The following MOCS1 variants were observed in gnomAD, a reference collection of about 807,000 sequenced individuals.
MOCS1 encodes the protein molybdenum cofactor synthesis 1.
In MOCS1, 39 loss-of-function variants were observed where a neutral mutation model predicts 57.6. That is an observed-to-expected ratio of 0.68 (90% CI 0.52 to 0.88). The LOEUF (loss-of-function observed/expected upper bound fraction) is 0.88, where lower values mean the gene tolerates loss of function less well. MOCS1 is among the 40% of genes least tolerant of loss of function. MOCS1 has a pLI of 0.00. For missense variants in MOCS1, 795 were observed against 831.1 expected (o/e 0.96, Z 0.53); for synonymous variants, 334 against 335.7 (o/e 1.00, Z 0.05).
In MOCS1 at chr6:39,916,010, C is replaced by A. The variant is rs1423128622; in HGVS notation, c.583+58G>T. The A allele has an allele frequency of 3.9e-6, 6 of 1,549,908 alleles. No individual in the cohort carries two copies. In the African/African-American group the frequency reaches 5.5e-5, roughly 14 times the overall value. ...GCCCCTGGCTCAGCAATGGCCATGC[C>A]CTCCCCAGCTATGTGCAGGCCCTGG... On this transcript the variant is annotated intron_variant, in intron 4 of 10. Transcript: ENST00000340692.
Position 39,904,661 on chromosome 6 carries a change from T to A in MOCS1, c.*1696A>T, listed in dbSNP as rs774582439. On this transcript the variant is annotated 3_prime_UTR_variant, in exon 11 of 11. Coordinates refer to ENST00000340692, the MANE Select transcript of MOCS1 (RefSeq NM_001358530.2). Reference sequence around the variant, plus strand: ...CTGTTCCAGCCTCTCCCTACTCCCATCCCATTTCCACCAACTGGGGAACTG... The same window carrying A: ...CTGTTCCAGCCTCTCCCTACTCCCAACCCATTTCCACCAACTGGGGAACTG... The A allele has an allele frequency of 1.1e-4, 51 of 453,890 alleles. 1 individual carries two copies. The highest frequency in any genetic ancestry group is 7.9e-4 in the South Asian group (51 of 64,482). The allele number at this position is 453,890 out of a possible 1,614,324, so 28.1% of individuals were successfully genotyped here.
chr6:39,905,358 G>A lies in MOCS1; in HGVS notation c.*999C>T, dbSNP rs1214381960. ...CTCCACTTTATTTTCCCATAGCGGG[G>A]CTATACAGAGAGTACACCCTTAGGC... On this transcript the variant is annotated 3_prime_UTR_variant, in exon 11 of 11. Transcript: ENST00000340692. 5 of 460,496 alleles carry A rather than the reference G, an allele frequency of 1.1e-5. No individual in the cohort carries two copies. The highest frequency in any genetic ancestry group is 2.2e-5 in the Non-Finnish European group (5 of 226,988). The allele number at this position is 460,496 out of a possible 1,614,324, so 28.5% of individuals were successfully genotyped here. A position where few individuals can be genotyped will look rare whatever the true frequency, so the allele number is the denominator to read the frequency against.
chr6:39,906,912 A>C lies in MOCS1; in HGVS notation c.1356T>G (p.Arg452=). Residue 452 remains arginine (R), a synonymous_variant, in exon 11 of 11, where the codon CGT becomes CGG. Coordinates refer to ENST00000340692, the MANE Select transcript of MOCS1 (RefSeq NM_001358530.2). Reference sequence around the variant, plus strand: ...ACTTTGAGTTGGCATCTGAGTCTGCACGGGAAGTGTAGTGTCTCTGAAAGG... The same window carrying C: ...ACTTTGAGTTGGCATCTGAGTCTGCCCGGGAAGTGTAGTGTCTCTGAAAGG... ...SGSFQRHYTS[R]ADSDANSKCL... 6.2e-7 allele frequency: 1 copy of C among 1,614,158 alleles called. No individual in the cohort carries two copies. Among genetic ancestry groups the C allele is most frequent in the Non-Finnish European group, 8.5e-7 (1 of 1,180,030 alleles).
rs1384432227 is a variant in MOCS1 at position 39,913,378 on chromosome 6, A to G, written c.696T>C (p.Phe232=). 1 of 1,614,232 alleles carries G rather than the reference A, an allele frequency of 6.2e-7. No homozygotes were observed. Among genetic ancestry groups the G allele is most frequent in the South Asian group, 1.1e-5 (1 of 91,082 alleles). Residue 232 remains phenylalanine (F), a synonymous_variant, in exon 6 of 11, where the codon TTT becomes TTC. Coordinates refer to ENST00000340692, the MANE Select transcript of MOCS1 (RefSeq NM_001358530.2). ...RGLNEDELLD[F]AALTEGLPLD... ...GGGGGAGGCCCTCAGTCAAGGCCGC[A>G]AAGTCCAGGAGTTCATCCTCGTTAA...
chr6:39,908,972 TG>T (rs962767669), intron 10 of MOCS1, 82 bp downstream of exon 10: 8 of 1,115,990 alleles, frequency 7.2e-6, no homozygotes, highest in African/African-American at 4.6e-5. Flanking sequence ...ATGCAGGAGC[TG>T]GGGGTGCCTA....
At position 39,904,836 on chromosome 6, in the gene MOCS1, C is replaced by G. The variant is rs996904994; in HGVS notation, c.*1521G>C. The G allele has an allele frequency of 9.3e-5, 42 of 453,932 alleles. No homozygotes were observed. In the Admixed American group the frequency reaches 9.9e-4, roughly 11 times the overall value. The allele number at this position is 453,932 out of a possible 1,614,324, so 28.1% of individuals were successfully genotyped here. On this transcript the variant is annotated 3_prime_UTR_variant, in exon 11 of 11. Transcript: ENST00000340692. ...TTTTTTATAAGAATATATTGTAATA[C>G]TAAAAAATATTAAATTCATACCATC...
chr6:39,904,795 C>A lies in MOCS1; in HGVS notation c.*1562G>T. On this transcript the variant is annotated 3_prime_UTR_variant, in exon 11 of 11. Transcript: ENST00000340692. ...GCTAATGGACATAATCTACAGTGTC[C>A]TTTTTCACTTGCACCTTTTTTATAA... 4.4e-6 allele frequency: 2 copies of A among 454,090 alleles called. No homozygotes were observed. The highest frequency in any genetic ancestry group is 3.1e-5 in the South Asian group (2 of 64,468). The allele number at this position is 454,090 out of a possible 1,614,324, so 28.1% of individuals were successfully genotyped here.
intron 8 of MOCS1, among the ~76,000 whole-genome samples, chr6:39,911,087 C>G (rs921390164): frequency 2.0e-5 from 3 of 152,196 alleles, no homozygotes; most frequent in Non-Finnish European, 4.4e-5. Context: ...CCTCAATATC[C>G]TTTATTGGTT....
At chr6:39,911,539 C>A (rs1210169079) in intron 8 of MOCS1, among the ~76,000 whole-genome samples, 2 of 152,212 alleles carry the variant, frequency 1.3e-5, no homozygotes, top group Non-Finnish European at 2.9e-5. Context: ...TGTTCAGGAA[C>A]CTTACGCAGC....
rs148758749 is a variant in MOCS1 at position 39,925,775 on chromosome 6, G to T, written c.321C>A (p.Ile107=). The T allele has an allele frequency of 6.2e-7, 1 of 1,612,848 alleles. No individual in the cohort carries two copies. The highest frequency in any genetic ancestry group is 1.7e-5 in the Admixed American group (1 of 60,032). The change falls in exon 3 of 11, where the codon ATC becomes ATA. Residue 107 remains isoleucine (I), a synonymous_variant. Transcript: ENST00000340692. ...TCACAAAGAGCCGGGCGAGGGTCAG[G>T]ATCTCCTCTGTGGTCAGCAGGTTGG... ...PKANLLTTEE[I]LTLARLFVKE...
chr6:39,924,877 G>A (rs1368503743), intron 3 of MOCS1, among the ~76,000 whole-genome samples: 2 of 151,930 alleles, frequency 1.3e-5, no homozygotes, highest in Non-Finnish European at 2.9e-5. Flanking sequence ...TCAGGGTTTC[G>A]AGACCAGCTT....
chr6:39,914,295 G>C (rs1370367621), intron 4 of MOCS1, among the ~76,000 whole-genome samples: 1 of 152,222 alleles, frequency 6.6e-6, no homozygotes, highest in Non-Finnish European at 1.5e-5. Flanking sequence ...GAACCCTCTT[G>C]TAGTCTACGG....
intron 3 of MOCS1, among the ~76,000 whole-genome samples, chr6:39,920,935 C>T (rs9380911): frequency 0.11 from 16,590 of 150,870 alleles, 1,752 homozygotes; most frequent in African/African-American, 0.27. Flanking sequence ...GCTGTCGTGC[C>T]ACTGCACTCC....
In MOCS1 at chr6:39,906,925, T is replaced by C. The variant is rs939926246; in HGVS notation, c.1343A>G (p.His448Arg). 6.2e-7 allele frequency: 1 copy of C among 1,614,100 alleles called. No homozygotes were observed. The highest frequency in any genetic ancestry group is 1.3e-5 in the African/African-American group (1 of 75,024). The change falls in exon 11 of 11, where the codon CAC becomes CGC. Residue 448 changes from histidine to arginine, a missense_variant. His to Arg is a conservative substitution (Grantham distance 29, BLOSUM62 0). This residue lies in a region of MOCS1 where 374 missense variants were observed against 422.6 expected (regional missense o/e 0.89). Transcript: ENST00000340692. ...QRLGSGSFQRHYTSRADSDAN... is the reference protein window; with the variant it reads ...QRLGSGSFQRRYTSRADSDAN... ...ATCTGAGTCTGCACGGGAAGTGTAG[T>C]GTCTCTGAAAGGAGCCAGACCCCAG...
chr6:39,926,178 G>A (rs1562100532), intron 2 of MOCS1, among the ~76,000 whole-genome samples: 3 of 152,182 alleles, frequency 2.0e-5, no homozygotes, highest in Admixed American at 1.3e-4. Context: ...AGGGCACCTG[G>A]GCAGGGGCGT....
At position 39,905,553 on chromosome 6, in the gene MOCS1, C is replaced by T. The variant is rs571882519; in HGVS notation, c.*804G>A. 4.9e-5 allele frequency: 23 copies of T among 471,074 alleles called. No homozygotes were observed. Among genetic ancestry groups the T allele is most frequent in the Non-Finnish European group, 8.4e-5 (19 of 227,050 alleles). 29.2% of individuals were successfully genotyped at this position (471,074 alleles called of 1,614,324 possible). On this transcript the variant is annotated 3_prime_UTR_variant, in exon 11 of 11. Coordinates refer to ENST00000340692, the MANE Select transcript of MOCS1 (RefSeq NM_001358530.2). ...AGTTGGCATCGTAGCTTTATTTGTG[C>T]GCTGTGAGGGTGAAGGCAATCTATC...
chr6:39,913,384 C>T lies in MOCS1; in HGVS notation c.690G>A (p.Leu230=), dbSNP rs775883522. The T allele has an allele frequency of 7.4e-6, 12 of 1,614,200 alleles. No individual in the cohort carries two copies. Among genetic ancestry groups the T allele is most frequent in the Non-Finnish European group, 7.6e-6 (9 of 1,180,034 alleles). The stretch of plus-strand genomic sequence containing the variant: ...GGCCCTCAGTCAAGGCCGCAAAGTC[C>T]AGGAGTTCATCCTCGTTAAGGCCTC... The part of the protein sequence containing the change: ...VMRGLNEDEL[L]DFAALTEGLP... Residue 230 remains leucine, a synonymous_variant, in exon 6 of 11, where the codon CTG becomes CTA. Coordinates refer to ENST00000340692, the MANE Select transcript of MOCS1 (RefSeq NM_001358530.2).
Position 39,912,320 on chromosome 6 carries a change from C to A in MOCS1, c.925G>T (p.Glu309Ter). The A allele has an allele frequency of 6.2e-7, 1 of 1,614,028 alleles. No homozygotes were observed. The highest frequency in any genetic ancestry group is 1.1e-5 in the South Asian group (1 of 91,060). Residue 309 changes from glutamate (E) to a stop codon, truncating the protein, a stop_gained, in exon 8 of 11, where the codon GAG becomes TAG. Coordinates refer to ENST00000340692, the MANE Select transcript of MOCS1 (RefSeq NM_001358530.2). LOFTEE classifies it high-confidence loss of function. Reference protein sequence around the residue: ...GQISFITSMSEHFCGTCNRLR... With the variant: ...GQISFITSMS Reference sequence around the variant, plus strand: ...CGGTTGCAGGTCCCACAGAAATGCTCAGACATGGATGTGATGAAGCTGATC... The same window carrying A: ...CGGTTGCAGGTCCCACAGAAATGCTAAGACATGGATGTGATGAAGCTGATC...
intron 10 of MOCS1, among the ~76,000 whole-genome samples, chr6:39,908,725 G>C (rs1030906912): frequency 6.6e-6 from 1 of 152,158 alleles, no homozygotes; most frequent in Non-Finnish European, 1.5e-5. Flanking sequence ...TTAGAGCCGA[G>C]GAAAAGGCCT....
Sources: allele counts gnomAD v4.1 joint callset (sites outside exome capture counted in the v4.1 genomes callset), GRCh38; gene constraint gnomAD v4.1.1; regional missense constraint gnomAD v4.1.1; transcripts MANE v1.5; gene names NCBI Gene and HGNC (gene_info 2026-07-23, HGNC 2026-07-21).